Variants in FOXK2 observed in about 807,000 individuals in gnomAD.
FOXK2 encodes the protein forkhead box K2.
A neutral mutation model predicts 53.3 loss-of-function variants in FOXK2; 24 were observed. The ratio of observed to expected loss-of-function variants is 0.45; its 90% CI spans 0.33 to 0.63. The LOEUF (loss-of-function observed/expected upper bound fraction) is 0.63. Among genes scored for constraint, FOXK2 ranks in the 30% least tolerant of loss-of-function variants. The probability of loss-of-function intolerance (pLI) is 0.03; values close to 1 mark genes in which losing one functional copy is unlikely to be tolerated. For synonymous variants in FOXK2, 505 were observed against 407.1 expected (o/e 1.24, Z -2.89); for missense variants, 952 against 910.5 (o/e 1.05, Z -0.59).
At chr17:82,577,747 A>AT (rs2045006634) in intron 4 of FOXK2, among the ~76,000 whole-genome samples, 1 of 151,728 alleles carries the variant, frequency 6.6e-6, no homozygotes, top group Non-Finnish European at 1.5e-5. Context: ...TGTTTTATTT[A>AT]TTTTTTTGGG....
At position 82,571,776 on chromosome 17, in the gene FOXK2, C is replaced by G; in HGVS notation, c.815C>G (p.Thr272Arg). 1 of 1,602,592 alleles carries G rather than the reference C, an allele frequency of 6.2e-7. No homozygotes were observed. The highest frequency in any genetic ancestry group is 8.5e-7 in the Non-Finnish European group (1 of 1,175,792). Residue 272 changes from threonine to arginine, a missense_variant, in exon 4 of 9, where the codon ACG becomes AGG. Around this residue, in one of 5 missense-constraint regions of FOXK2, gnomAD observed 160 missense variants for 214.2 expected, o/e 0.75. Transcript: ENST00000335255. ...SYAQLIVQAI[T>R]MAPDKQLTLN... The stretch of plus-strand genomic sequence containing the variant: ...GCGCAGCTGATAGTTCAGGCGATTA[C>G]GATGGCTCCCGACAAACAGCTCACC...
Position 82,602,901 on chromosome 17 carries a change from G to A in FOXK2, c.*1402G>A, listed in dbSNP as rs1411157789. On this transcript the variant is annotated 3_prime_UTR_variant, in exon 9 of 9. Coordinates refer to ENST00000335255, the MANE Select transcript of FOXK2 (RefSeq NM_004514.4). Reference sequence around the variant, plus strand: ...TCATAACATTATTTATTTAAATGTAGTTATTTTGGTATTTAATTTTTTTTT... The same window carrying A: ...TCATAACATTATTTATTTAAATGTAATTATTTTGGTATTTAATTTTTTTTT... The A allele has an allele frequency of 6.6e-6, 1 of 152,456 alleles. No homozygotes were observed. The highest frequency in any genetic ancestry group is 1.5e-5 in the Non-Finnish European group (1 of 68,038). The allele number at this position is 152,456 out of a possible 1,614,324, so 9.4% of individuals were successfully genotyped here.
intron 4 of FOXK2, among the ~76,000 whole-genome samples, chr17:82,579,079 G>T (rs2045025865): frequency 6.6e-6 from 1 of 152,214 alleles, no homozygotes; most frequent in African/African-American, 2.4e-5. Flanking sequence ...CGCTTAGGAG[G>T]ACTGGTCCTG....
chr17:82,589,414 T>TA (rs1399359947), intron 8 of FOXK2, among the ~76,000 whole-genome samples: 2 of 152,262 alleles, frequency 1.3e-5, no homozygotes, highest in Admixed American at 6.5e-5. Flanking sequence ...ATATAAATAT[T>TA]AAAGTTTGTC....
At chr17:82,561,541 G>A (rs2044793341) in intron 1 of FOXK2, among the ~76,000 whole-genome samples, 1 of 152,088 alleles carries the variant, frequency 6.6e-6, no homozygotes, top group African/African-American at 2.4e-5. Flanking sequence ...CTGGTGTCCT[G>A]GACATCCAGG....
chr17:82,596,124 G>A, intron 8 of FOXK2: 1 of 725,680 alleles, frequency 1.4e-6, no homozygotes. Flanking sequence ...GCCACAGACT[G>A]CGACCGCGAT....
At chr17:82,593,015 T>C (rs1044647138) in intron 8 of FOXK2, among the ~76,000 whole-genome samples, 4 of 150,048 alleles carry the variant, frequency 2.7e-5, no homozygotes, top group African/African-American at 9.9e-5. Flanking sequence ...GAGGCTCTTA[T>C]TCTGAAAGCA....
At chr17:82,537,917 C>CA (rs568515827) in intron 1 of FOXK2, among the ~76,000 whole-genome samples, 6,100 of 67,316 alleles carry the variant, frequency 0.091, 223 homozygotes, top group Middle Eastern at 0.15. Context: ...ACTCTGTCTC[C>CA]AAAAAAAAAA....
At chr17:82,572,711 T>C (rs1348075435) in intron 4 of FOXK2, among the ~76,000 whole-genome samples, 1 of 152,206 alleles carries the variant, frequency 6.6e-6, no homozygotes, top group Non-Finnish European at 1.5e-5. Flanking sequence ...AGTTTTTTAA[T>C]TCATTAAGTA....
chr17:82,571,787 G>A lies in FOXK2; in HGVS notation c.826G>A (p.Asp276Asn), dbSNP rs758722690. The change falls in exon 4 of 9, where the codon GAC (aspartate) becomes AAC (asparagine). Residue 276 changes from aspartate (D) to asparagine (N), a missense_variant. Physicochemically the swap from Asp to Asn is conservative, Grantham distance 23. Transcript: ENST00000335255. The stretch of plus-strand genomic sequence containing the variant: ...AGTTCAGGCGATTACGATGGCTCCC[G>A]ACAAACAGCTCACCCTGAACGGGAT... ...LIVQAITMAPDKQLTLNGIYT... is the reference protein window; with the variant it reads ...LIVQAITMAPNKQLTLNGIYT... 6 of 1,603,072 alleles carry A rather than the reference G, an allele frequency of 3.7e-6. No individual in the cohort carries two copies. Among genetic ancestry groups the A allele is most frequent in the Non-Finnish European group, 5.1e-6 (6 of 1,175,870 alleles).
chr17:82,570,166 G>A (rs1235386419), intron 3 of FOXK2, among the ~76,000 whole-genome samples: 2 of 151,684 alleles, frequency 1.3e-5, no homozygotes, highest in African/African-American at 4.9e-5. Flanking sequence ...AGCTTGCAGT[G>A]AGCCGAAATC....
intron 1 of FOXK2, among the ~76,000 whole-genome samples, chr17:82,532,768 G>A (rs1181663873): frequency 6.7e-6 from 1 of 149,752 alleles, no homozygotes; most frequent in African/African-American, 2.5e-5. Context: ...GGGTTTTGCC[G>A]TGTTGACCAG....
At chr17:82,561,415 G>A (rs2044792088) in intron 1 of FOXK2, among the ~76,000 whole-genome samples, 1 of 152,110 alleles carries the variant, frequency 6.6e-6, no homozygotes, top group Non-Finnish European at 1.5e-5. Flanking sequence ...AGGAGTGAGG[G>A]TAGAGGGAGA....
intron 1 of FOXK2, among the ~76,000 whole-genome samples, chr17:82,534,067 A>C (rs1007020136): frequency 7.0e-6 from 1 of 142,438 alleles, no homozygotes; most frequent in Non-Finnish European, 1.5e-5. Context: ...TGAGTAAGAC[A>C]CTGTCTCAAA....
chr17:82,528,282 T>C (rs924544066), intron 1 of FOXK2, among the ~76,000 whole-genome samples: 6 of 152,204 alleles, frequency 3.9e-5, no homozygotes, highest in Non-Finnish European at 8.8e-5. Context: ...ATTTTTCCAT[T>C]GTGAAAATGT....
intron 4 of FOXK2, among the ~76,000 whole-genome samples, chr17:82,573,391 G>A (rs72862358): frequency 0.18 from 27,751 of 151,850 alleles, 2,850 homozygotes; most frequent in Non-Finnish European, 0.24. Flanking sequence ...TCTCTTAATT[G>A]ACCATTAGGA....
At chr17:82,542,608 C>A (rs1322032019) in intron 1 of FOXK2, among the ~76,000 whole-genome samples, 1 of 152,136 alleles carries the variant, frequency 6.6e-6, no homozygotes, top group Non-Finnish European at 1.5e-5. Flanking sequence ...GTGTGAGCTG[C>A]CACACCCGGC....
chr17:82,591,233 C>T (rs962767525), intron 8 of FOXK2, among the ~76,000 whole-genome samples: 3 of 152,082 alleles, frequency 2.0e-5, no homozygotes, highest in African/African-American at 4.8e-5. Context: ...CTGGGGTTGT[C>T]GCTCCAGCTG....
intron 1 of FOXK2, among the ~76,000 whole-genome samples, chr17:82,526,520 T>C (rs1555634778): frequency 6.6e-6 from 1 of 152,080 alleles, no homozygotes; most frequent in Non-Finnish European, 1.5e-5. Flanking sequence ...GTGAAGTGGC[T>C]GAAGGAACCA....
Sources: allele counts gnomAD v4.1 joint callset (sites outside exome capture counted in the v4.1 genomes callset), GRCh38; gene constraint gnomAD v4.1.1; regional missense constraint gnomAD v4.1.1; transcripts MANE v1.5; gene names NCBI Gene and HGNC (gene_info 2026-07-23, HGNC 2026-07-21).